AUTS2: variants seen among roughly 807,000 people sequenced by gnomAD.
AUTS2 encodes the protein autism susceptibility gene 2 protein.
A neutral mutation model predicts 112.4 loss-of-function variants in AUTS2; 17 were observed. The ratio of observed to expected loss-of-function variants is 0.15; its 90% CI spans 0.10 to 0.23. The LOEUF (loss-of-function observed/expected upper bound fraction) is 0.23, where lower values mean the gene tolerates loss of function less well. Ranked by LOEUF, AUTS2 falls within the 10% of genes least tolerant of loss-of-function variation. The pLI is 1.00. For missense variants in AUTS2, 1,510 were observed against 1,701.6 expected (o/e 0.89, Z 1.98); for synonymous variants, 751 against 702.7 (o/e 1.07, Z -1.09).
intron 1 of AUTS2, among the ~76,000 whole-genome samples, chr7:69,846,838 G>A (rs944723707): frequency 1.3e-5 from 2 of 152,214 alleles, no homozygotes; most frequent in Non-Finnish European, 2.9e-5. Context: ...CCTCCAAAGT[G>A]CTGGGATTAC....
At chr7:69,883,384 T>G (rs1035247864) in intron 1 of AUTS2, among the ~76,000 whole-genome samples, 3 of 152,088 alleles carry the variant, frequency 2.0e-5, no homozygotes, top group African/African-American at 7.2e-5. Flanking sequence ...GCTGTAAGGT[T>G]AGATAACTGC....
rs184215951 is a variant in AUTS2 at position 69,980,414 on chromosome 7, G to C, written c.522+80916G>C. On this transcript the variant is annotated intron_variant, in intron 2 of 18. Transcript: ENST00000342771. ...CCTTGGAGTTATATAATTGATTTTT[G>C]GAACCTCATTTGTAGGATAGTTGTG... is the stretch of plus-strand genomic sequence containing the variant. Among the ~76,000 whole-genome samples the C allele has an allele frequency of 3.9e-5, 6 of 152,224 alleles. No individual in the cohort carries two copies. The East Asian group carries it at 1.2e-3, about 29-fold the overall frequency.
chr7:70,126,350 A>C (rs1006020477), intron 3 of AUTS2, among the ~76,000 whole-genome samples: 1 of 152,166 alleles, frequency 6.6e-6, no homozygotes, highest in African/African-American at 2.4e-5. Flanking sequence ...CAGAGGTTGC[A>C]GTGAGCCGAG....
At chr7:69,971,179 A>G (rs1007043395) in intron 2 of AUTS2, among the ~76,000 whole-genome samples, 7 of 152,078 alleles carry the variant, frequency 4.6e-5, no homozygotes, top group Admixed American at 1.3e-4. Context: ...CCCTGTCTCA[A>G]AAAACCATTT....
rs536411196 is a variant in AUTS2, at chr7:69,896,783, C to T, written c.310-2503C>T. Among the ~76,000 whole-genome samples the T allele has an allele frequency of 7.9e-4, 120 of 152,312 alleles. 1 individual carries two copies. The highest frequency in any genetic ancestry group is 2.8e-3 in the African/African-American group (117 of 41,578). The stretch of plus-strand genomic sequence containing the variant: ...ACTACTTAGTCCCTCCCCTCTTTCA[C>T]ATTCTTTCAAGAGATTATGCACCCA... On this transcript the variant is annotated intron_variant, in intron 1 of 18. Coordinates refer to ENST00000342771, the MANE Select transcript of AUTS2 (RefSeq NM_015570.4).
At chr7:70,455,563 A>G (rs538792971) in intron 5 of AUTS2, among the ~76,000 whole-genome samples, 26 of 152,294 alleles carry the variant, frequency 1.7e-4, no homozygotes, top group African/African-American at 6.0e-4. Context: ...CTGGCTACAC[A>G]TCACAGTCAC....
Position 69,882,178 on chromosome 7 carries a change from G to T in AUTS2, c.310-17108G>T, listed in dbSNP as rs577151266. 3.2e-3 allele frequency among the ~76,000 whole-genome samples: 303 copies of T among 93,430 alleles called. 6 individuals carry two copies. The highest frequency in any genetic ancestry group is 0.018 in the Admixed American group (161 of 8,896). The allele number at this position is 93,430 out of a possible 152,430, so 61.3% of individuals were successfully genotyped here. Reference sequence around the variant, plus strand: ...AAAAAAAAAAAAAAAAAAAAAAAAAGACCAAGTGATAGGCTGGGCGTGCTG... The same window carrying T: ...AAAAAAAAAAAAAAAAAAAAAAAAATACCAAGTGATAGGCTGGGCGTGCTG... On this transcript the variant is annotated intron_variant, in intron 1 of 18. Transcript: ENST00000342771.
chr7:70,355,843 T>C (rs1791986711), intron 4 of AUTS2, among the ~76,000 whole-genome samples: 1 of 152,190 alleles, frequency 6.6e-6, no homozygotes, highest in African/African-American at 2.4e-5. Flanking sequence ...ATCATGTGCT[T>C]CTGGAACCAT....
intron 2 of AUTS2, among the ~76,000 whole-genome samples, chr7:69,930,953 T>C (rs890551893): frequency 2.0e-5 from 3 of 152,210 alleles, no homozygotes; most frequent in African/African-American, 4.8e-5. Flanking sequence ...ATATTTCTTA[T>C]ACATCTTAAT....
At chr7:70,645,542 G>A (rs939683495) in intron 5 of AUTS2, among the ~76,000 whole-genome samples, 1 of 152,056 alleles carries the variant, frequency 6.6e-6, no homozygotes, top group East Asian at 1.9e-4. Context: ...AGCTAAGTGT[G>A]GTTTTTTCCC....
chr7:69,760,470 A>G (rs1415139214), intron 1 of AUTS2, among the ~76,000 whole-genome samples: 1 of 152,058 alleles, frequency 6.6e-6, no homozygotes, highest in Non-Finnish European at 1.5e-5. Context: ...TTCTAGAGAG[A>G]CTAAAATTAG....
At chr7:70,165,955 A>G (rs1026489212) in intron 4 of AUTS2, among the ~76,000 whole-genome samples, 1 of 152,092 alleles carries the variant, frequency 6.6e-6, no homozygotes, top group African/African-American at 2.4e-5. Flanking sequence ...TGCTGTTCTC[A>G]TGATAGCGAG....
chr7:69,778,101 C>T (rs1043078156), intron 1 of AUTS2, among the ~76,000 whole-genome samples: 1 of 151,946 alleles, frequency 6.6e-6, no homozygotes, highest in African/African-American at 2.4e-5. Flanking sequence ...ATGTAAATGC[C>T]TTAAAAGTTA....
At chr7:70,708,921 T>C (rs1004347528) in intron 6 of AUTS2, among the ~76,000 whole-genome samples, 1 of 148,966 alleles carries the variant, frequency 6.7e-6, no homozygotes, top group Non-Finnish European at 1.5e-5. Flanking sequence ...TAAATACTTT[T>C]TTTTTTTTTT....
At position 69,732,365 on chromosome 7, in the gene AUTS2, CTT is replaced by C. The variant is rs528869184; in HGVS notation, c.309+132404_309+132405del. Among the ~76,000 whole-genome samples, 419 of 151,928 alleles carry C rather than the reference CTT, an allele frequency of 2.8e-3. 1 individual carries two copies. The highest frequency in any genetic ancestry group is 4.5e-3 in the Admixed American group (68 of 15,240). ...ATTTAACCCTACATGAGGAAGTAAA[CTT>C]AATCTACATAAAATATGGATTTGGG... is the stretch of plus-strand genomic sequence containing the variant. On this transcript the variant is annotated intron_variant, in intron 1 of 18. Transcript: ENST00000342771.
At chr7:70,572,597 A>G (rs1041332803) in intron 5 of AUTS2, among the ~76,000 whole-genome samples, 1 of 152,216 alleles carries the variant, frequency 6.6e-6, no homozygotes, top group Non-Finnish European at 1.5e-5. Context: ...AGGCCTCATT[A>G]TGGAATAAGC....
In AUTS2 at chr7:69,943,705, GA is replaced by G. The variant is rs374797417; in HGVS notation, c.522+44214del. ...AGAGAACAAATTTTCCATTTACTAA[GA>G]AAAAAATAGGTGTTTGTGTATTGGT... On this transcript the variant is annotated intron_variant, in intron 2 of 18. Transcript: ENST00000342771. Among the ~76,000 whole-genome samples the G allele has an allele frequency of 2.9e-3, 445 of 152,066 alleles. 5 individuals carry two copies. The highest frequency in any genetic ancestry group is 0.01 in the African/African-American group (431 of 41,494).
At chr7:70,624,034 A>T (rs1563083389) in intron 5 of AUTS2, among the ~76,000 whole-genome samples, 1 of 152,200 alleles carries the variant, frequency 6.6e-6, no homozygotes, top group Non-Finnish European at 1.5e-5. Context: ...GGAAGTACCT[A>T]CCTGAATAGC....
rs181877955 is a variant in AUTS2, at chr7:70,441,173, A to G, written c.690+5392A>G. On this transcript the variant is annotated intron_variant, in intron 5 of 18. Transcript: ENST00000342771. ...AGAAATGAATCCTTCTCCTTTTCCT[A>G]TCAATCTTTTAACATGACTCCTGAT... Among the ~76,000 whole-genome samples, 7 of 152,232 alleles carry G rather than the reference A, an allele frequency of 4.6e-5. No homozygotes were observed. In the East Asian group the frequency reaches 7.7e-4, roughly 17 times the overall value.
Sources: gnomAD v4.1 joint callset for allele counts (sites outside exome capture counted in the v4.1 genomes callset) on GRCh38, gnomAD v4.1.1 for gene constraint, MANE v1.5 for transcripts, NCBI Gene and HGNC (gene_info 2026-07-23, HGNC 2026-07-21) for gene names.